Variants in DPPA3 observed in about 807,000 individuals in gnomAD.
DPPA3 encodes developmental pluripotency associated 3, also known as developmental pluripotency-associated protein 3.
Under a neutral mutation model 15.6 loss-of-function variants are expected in DPPA3, and 9 were observed. The observed-to-expected ratio is 0.58, with a 90% CI of 0.35 to 1.01. DPPA3 has a LOEUF of 1.01. DPPA3 is among the 50% of genes least tolerant of loss of function. The pLI, the probability that DPPA3 is intolerant of heterozygous loss-of-function variation, is 0.02. For synonymous variants in DPPA3, 61 were observed against 70.9 expected (o/e 0.86, Z 0.70); for missense variants, 148 against 194.6 (o/e 0.76, Z 1.42).
chr12:7,715,094 G>A (rs935723209), intron 1 of DPPA3, 89 bp from the exon 2 acceptor site: 1 of 1,576,588 alleles, frequency 6.3e-7, no homozygotes, highest in Non-Finnish European at 8.7e-7. Flanking sequence ...CCCACACAGC[G>A]CCCTGTTCCC....
chr12:7,712,743 T>G (rs923702228), intron 1 of DPPA3, among the ~76,000 whole-genome samples: 2 of 144,344 alleles, frequency 1.4e-5, no homozygotes, highest in African/African-American at 5.1e-5. Flanking sequence ...AGCGCGCCCG[T>G]CCTATTTTTA....
At chr12:7,716,817 TA>T in intron 3 of DPPA3, 149 bp from the exon 4 acceptor site, 2 of 701,546 alleles carry the variant, frequency 2.9e-6, no homozygotes, top group South Asian at 3.5e-5. Context: ...TTTTTTCTCC[TA>T]AAATGTTTTG....
rs749655337 is a variant in DPPA3 at position 7,717,547 on chromosome 12, T to C, written c.*470T>C. 4 of 152,624 alleles carry C rather than the reference T, an allele frequency of 2.6e-5. No individual in the cohort carries two copies. The highest frequency in any genetic ancestry group is 4.4e-5 in the Non-Finnish European group (3 of 68,358). 9.5% of individuals were successfully genotyped at this position (152,624 alleles called of 1,614,324 possible). On this transcript the variant is annotated 3_prime_UTR_variant, in exon 4 of 4. Coordinates refer to ENST00000345088, the MANE Select transcript of DPPA3 (RefSeq NM_199286.4). ...AGAAACAATAAAGTTGACATTTGAGTACCTTTTAAAAATTGTTCTTGATTT... is the reference window on the plus strand; with the variant it reads ...AGAAACAATAAAGTTGACATTTGAGCACCTTTTAAAAATTGTTCTTGATTT...
chr12:7,714,879 ATT>A, intron 1 of DPPA3, among the ~76,000 whole-genome samples: 2 of 151,888 alleles, frequency 1.3e-5, no homozygotes, highest in East Asian at 3.9e-4. Context: ...CGCCCGGCTA[ATT>A]TTTTGTATTT....
chr12:7,714,073 GA>G (rs1027040088), intron 1 of DPPA3, among the ~76,000 whole-genome samples: 2 of 150,782 alleles, frequency 1.3e-5, no homozygotes, highest in East Asian at 2.0e-4. Flanking sequence ...CTAAAAAATA[GA>G]AAAAAATTAG....
At position 7,717,500 on chromosome 12, in the gene DPPA3, T is replaced by C. The variant is rs1864413751; in HGVS notation, c.*423T>C. The C allele has an allele frequency of 6.4e-6, 1 of 155,840 alleles. No individual in the cohort carries two copies. The highest frequency in any genetic ancestry group is 2.4e-5 in the African/African-American group (1 of 41,556). The allele number at this position is 155,840 out of a possible 1,614,324, so 9.7% of individuals were successfully genotyped here. A position where few individuals can be genotyped will look rare whatever the true frequency, so the allele number is the denominator to read the frequency against. ...AGCAAACTTTGTTATTTTTACAGTT[T>C]TCAGTACAAAAGTGTTTATATAGAA... On this transcript the variant is annotated 3_prime_UTR_variant, in exon 4 of 4. Transcript: ENST00000345088.
Position 7,711,581 on chromosome 12 carries a change from C to G in DPPA3, c.11C>G (p.Ser4Ter). 6.2e-7 allele frequency: 1 copy of G among 1,613,698 alleles called. No individual in the cohort carries two copies. The highest frequency in any genetic ancestry group is 8.5e-7 in the Non-Finnish European group (1 of 1,179,850). Reference sequence around the variant, plus strand: ...TGTGTCAAGACGCCGATGGACCCATCACAGTTTAATCCAACCTACATCCCA... The same window carrying G: ...TGTGTCAAGACGCCGATGGACCCATGACAGTTTAATCCAACCTACATCCCA... The part of the protein sequence containing the change: MDP[S>*]QFNPTYIPGS... Residue 4 changes from serine (S) to a stop codon, truncating the protein, a stop_gained, in exon 1 of 4, where the codon TCA becomes TGA. Coordinates refer to ENST00000345088, the MANE Select transcript of DPPA3 (RefSeq NM_199286.4). LOFTEE classifies it high-confidence loss of function.
rs367658699 is a variant in DPPA3, at chr12:7,716,963, T to C, written c.370-4T>C. ...AATTAATCCATTTCATCATTTTTTT[T>C]CAGAAGGAATCAAGACCATTCAAAT... is the stretch of plus-strand genomic sequence containing the variant. On this transcript the variant is annotated splice_region_variant and splice_polypyrimidine_tract_variant and intron_variant, in intron 3 of 3. Coordinates refer to ENST00000345088, the MANE Select transcript of DPPA3 (RefSeq NM_199286.4). 54 of 1,610,154 alleles carry C rather than the reference T, an allele frequency of 3.4e-5. No individual in the cohort carries two copies. The African/African-American group carries it at 5.9e-4, about 18-fold the overall frequency.
rs765976630 is a variant in DPPA3 at position 7,715,394 on chromosome 12, A to T, written c.294A>T (p.Arg98Ser). Reference sequence around the variant, plus strand: ...CTGTGCAGAGAGAAAAGATGGCAAGATTGAGATACATGTTACTCGGCGGAG... The same window carrying T: ...CTGTGCAGAGAGAAAAGATGGCAAGTTTGAGATACATGTTACTCGGCGGAG... ...LLSVQREKMA[R>S]LRYMLLGGVR... Residue 98 changes from arginine (R) to serine (S), a missense_variant, in exon 2 of 4, where the codon AGA (arginine) becomes AGT (serine). Transcript: ENST00000345088. 70 of 1,614,028 alleles carry T rather than the reference A, an allele frequency of 4.3e-5. No individual in the cohort carries two copies. The Middle Eastern group carries it at 4.9e-4, about 11-fold the overall frequency.
At chr12:7,713,971 C>T (rs551979868) in intron 1 of DPPA3, among the ~76,000 whole-genome samples, 117 of 152,296 alleles carry the variant, frequency 7.7e-4, no homozygotes, top group Non-Finnish European at 1.4e-3. Flanking sequence ...CATGATAGTG[C>T]CACTGCACTC....
Position 7,717,110 on chromosome 12 carries a change from A to G in DPPA3, c.*33A>G, listed in dbSNP as rs1446189321. On this transcript the variant is annotated 3_prime_UTR_variant, in exon 4 of 4. Transcript: ENST00000345088. Reference sequence around the variant, plus strand: ...TCTTGCACCTTTTTTTCTTGGTAGTAATTTTATATAGCAGGTTGAGAAAGC... The same window carrying G: ...TCTTGCACCTTTTTTTCTTGGTAGTGATTTTATATAGCAGGTTGAGAAAGC... 8.5e-7 allele frequency: 1 copy of G among 1,179,894 alleles called. No homozygotes were observed. The highest frequency in any genetic ancestry group is 1.3e-6 in the Non-Finnish European group (1 of 791,254). The allele number at this position is 1,179,894 out of a possible 1,614,324, so 73.1% of individuals were successfully genotyped here.
At position 7,715,441 on chromosome 12, in the gene DPPA3, A is replaced by G; in HGVS notation, c.327+14A>G. ...GGAGTTCGTACGGTATGTTGATGTG[A>G]TGTGGCCGGGGCTGTCCAATTCCGG... On this transcript the variant is annotated intron_variant, in intron 2 of 3. Transcript: ENST00000345088. The G allele has an allele frequency of 6.2e-7, 1 of 1,613,808 alleles. No homozygotes were observed.
At chr12:7,715,072 C>G (rs754503274) in intron 1 of DPPA3, 111 bp from the exon 2 acceptor site, 12 of 1,510,952 alleles carry the variant, frequency 7.9e-6, no homozygotes, top group Non-Finnish European at 1.1e-5. Flanking sequence ...GACCTTCCAC[C>G]CTGAGGAATT....
chr12:7,712,533 C>T (rs1355396722), intron 1 of DPPA3, among the ~76,000 whole-genome samples: 8 of 152,054 alleles, frequency 5.3e-5, no homozygotes, highest in Admixed American at 4.6e-4. Context: ...CTGCAACCTC[C>T]GCCTCTCGGG....
intron 1 of DPPA3, among the ~76,000 whole-genome samples, chr12:7,714,229 T>A (rs1203516913): frequency 1.3e-4 from 20 of 150,712 alleles, no homozygotes; most frequent in Non-Finnish European, 1.5e-5. Flanking sequence ...GACTCCGTCT[T>A]AATAATAATA....
In DPPA3 at chr12:7,711,640, C is replaced by T. The variant is rs747839745; in HGVS notation, c.70C>T (p.Arg24Trp). ...ACAAATGCTCACCGAAGAAAATTCC[C>T]GGGACGATTCAGGTAAGCCAGATAA... is the stretch of plus-strand genomic sequence containing the variant. ...SPQMLTEENS[R>W]DDSGASQISS... is the part of the protein sequence containing the mutation. The change falls in exon 1 of 4, where the codon CGG becomes TGG. Residue 24 changes from arginine (R) to tryptophan (W), a missense_variant. Transcript: ENST00000345088. 1.3e-5 allele frequency: 21 copies of T among 1,609,880 alleles called. No individual in the cohort carries two copies. In the Admixed American group the frequency reaches 3.0e-4, roughly 23 times the overall value.
intron 1 of DPPA3, among the ~76,000 whole-genome samples, chr12:7,712,224 G>A (rs1010571250): frequency 6.6e-6 from 1 of 150,700 alleles, no homozygotes; most frequent in African/African-American, 2.4e-5. Context: ...CAGTACTTCA[G>A]ATTTCTAAGA....
intron 1 of DPPA3, 64 bp downstream of exon 1, chr12:7,711,716 CCGT>C: frequency 3.8e-5 from 23 of 600,246 alleles, no homozygotes; most frequent in Non-Finnish European, 4.8e-5. Context: ...CAAAAGGCTG[CCGT>C]CTTTTTTTTT....
At chr12:7,713,370 C>G (rs1410211345) in intron 1 of DPPA3, among the ~76,000 whole-genome samples, 1 of 152,212 alleles carries the variant, frequency 6.6e-6, no homozygotes, top group East Asian at 1.9e-4. Flanking sequence ...CTCTCCCTTT[C>G]CTTGCGTCTG....
Sources: allele counts gnomAD v4.1 joint callset (sites outside exome capture counted in the v4.1 genomes callset), GRCh38; gene constraint gnomAD v4.1.1; transcripts MANE v1.5; gene names NCBI Gene and HGNC (gene_info 2026-07-23, HGNC 2026-07-21).